NFIX: variants seen among roughly 807,000 people sequenced by gnomAD.
The protein encoded by NFIX is nuclear factor 1 X-type.
Under a neutral mutation model 53.3 loss-of-function variants are expected in NFIX, and 2 were observed. The ratio of observed to expected loss-of-function variants is 0.04; its 90% CI spans 0.02 to 0.12. NFIX has a LOEUF of 0.12. Among genes scored for constraint, NFIX ranks in the 10% least tolerant of loss-of-function variants. NFIX has a pLI of 1.00. For synonymous variants in NFIX, 244 were observed against 289.0 expected, an observed-to-expected ratio of 0.84 and a Z score of 1.58; for missense variants, 310 against 674.5, an observed-to-expected ratio of 0.46 and a Z score of 5.99.
chr19:13,031,309 G>A (rs892712299), intron 2 of NFIX, among the ~76,000 whole-genome samples: 10 of 152,178 alleles, frequency 6.6e-5, no homozygotes, highest in Admixed American at 4.6e-4. Context: ...GCAAAGCGCC[G>A]ACCGTGAACA....
chr19:13,082,057 G>C (rs1568325873), intron 8 of NFIX: 1 of 613,272 alleles, frequency 1.6e-6, no homozygotes, highest in Non-Finnish European at 2.8e-6. Context: ...GTCTATCATG[G>C]TCCGGAGAGG....
intron 6 of NFIX, 38 bp downstream of exon 6, chr19:13,075,709 G>T: frequency 6.3e-7 from 1 of 1,598,516 alleles, no homozygotes. Flanking sequence ...AGCAAGGGCA[G>T]CCCAGAGTCT....
In NFIX at chr19:13,072,340, C is replaced by T. The variant is rs1312431739; in HGVS notation, c.560-707C>T. Reference sequence around the variant, plus strand: ...ATGAGCCCTTGTCTCGGGGCTCCCTCTGAGCAGCTGTGGCACCGGGGCATG... The same window carrying T: ...ATGAGCCCTTGTCTCGGGGCTCCCTTTGAGCAGCTGTGGCACCGGGGCATG... On this transcript the variant is annotated intron_variant, in intron 2 of 10. Coordinates refer to ENST00000592199, the MANE Select transcript of NFIX (RefSeq NM_001365902.3). This position sits in a 1 kb window ranked among gnomAD's most constrained non-coding sequence, Gnocchi z 4.0. Among the ~76,000 whole-genome samples the T allele has an allele frequency of 2.0e-5, 3 of 152,254 alleles. No homozygotes were observed. Among genetic ancestry groups the T allele is most frequent in the African/African-American group, 7.2e-5 (3 of 41,472 alleles).
Position 13,081,607 on chromosome 19 carries a change from C to T in NFIX, c.1079-73C>T. 6.6e-7 allele frequency: 1 copy of T among 1,505,186 alleles called. No individual in the cohort carries two copies. 93.2% of individuals were successfully genotyped at this position (1,505,186 alleles called of 1,614,324 possible). ...CAGGACCCTCTGACCGGCAGCTCCC[C>T]TCCTCTCCTGTCCCTCCCACTGGCT... On this transcript the variant is annotated intron_variant, in intron 7 of 10. Transcript: ENST00000592199. This position sits in a 1 kb window ranked among gnomAD's most constrained non-coding sequence, Gnocchi z 4.7.
At chr19:13,016,713 A>G (rs1599724647) in intron 1 of NFIX, among the ~76,000 whole-genome samples, 1 of 138,084 alleles carries the variant, frequency 7.2e-6, no homozygotes, top group African/African-American at 2.7e-5. Context: ...GGAGGGATTT[A>G]TTTAAACAGG....
rs2018295433 is a variant in NFIX at position 13,094,020 on chromosome 19, A to ACCTG, written c.1495-615_1495-614insCCTG. Among the ~76,000 whole-genome samples the ACCTG allele has an allele frequency of 6.6e-6, 1 of 152,044 alleles. No individual in the cohort carries two copies. The highest frequency in any genetic ancestry group is 1.5e-5 in the Non-Finnish European group (1 of 68,010). On this transcript the variant is annotated intron_variant, in intron 10 of 10. Transcript: ENST00000592199. The surrounding 1 kb of genome is among the most constrained non-coding windows in gnomAD (Gnocchi z 4.3). ...CCCAGGGAGCCTCAAGTCCTTCCTC[A>ACCTG]ATGTCTGGTGCCCTGAGGGTAGAGG...
chr19:12,997,731 T>A (rs1247838853), intron 1 of NFIX, among the ~76,000 whole-genome samples: 1 of 152,190 alleles, frequency 6.6e-6, no homozygotes, highest in East Asian at 1.9e-4. Flanking sequence ...TGCTCCCCCA[T>A]GGCTTGGGTG....
At position 13,088,582 on chromosome 19, in the gene NFIX, C is replaced by T. The variant is rs1385412850; in HGVS notation, c.1402+446C>T. On this transcript the variant is annotated intron_variant, in intron 9 of 10. Coordinates refer to ENST00000592199, the MANE Select transcript of NFIX (RefSeq NM_001365902.3). The surrounding 1 kb of genome is among the most constrained non-coding windows in gnomAD (Gnocchi z 5.9). The stretch of plus-strand genomic sequence containing the variant: ...AAGAAAATCAAATGTAACCACAAGG[C>T]GACGCCACCACCATCCCCTTTTTGC... Among the ~76,000 whole-genome samples, 3 of 151,794 alleles carry T rather than the reference C, an allele frequency of 2.0e-5. No homozygotes were observed. The highest frequency in any genetic ancestry group is 4.4e-5 in the Non-Finnish European group (3 of 67,966).
rs1173718548 is a variant in NFIX at position 13,022,990 on chromosome 19, C to G, written c.28-2031C>G. Among the ~76,000 whole-genome samples, 1 of 152,040 alleles carries G rather than the reference C, an allele frequency of 6.6e-6. No homozygotes were observed. Among genetic ancestry groups the G allele is most frequent in the Non-Finnish European group, 1.5e-5 (1 of 67,990 alleles). On this transcript the variant is annotated intron_variant, in intron 1 of 10. Coordinates refer to ENST00000592199, the MANE Select transcript of NFIX (RefSeq NM_001365902.3). The surrounding 1 kb of genome is among the most constrained non-coding windows in gnomAD (Gnocchi z 4.5). The stretch of plus-strand genomic sequence containing the variant: ...GCTCTCCCCACCCTCCCTGCTCGCC[C>G]GGTTCCCTCCTCCCCTTGGACGCAG...
chr19:13,077,814 A>G (rs2017201945), intron 6 of NFIX, among the ~76,000 whole-genome samples: 1 of 152,118 alleles, frequency 6.6e-6, no homozygotes. Context: ...TTTGGATGCT[A>G]TGGCCACTGG....
At position 13,019,342 on chromosome 19, in the gene NFIX, G is replaced by A. The variant is rs1015291383; in HGVS notation, c.28-5679G>A. Among the ~76,000 whole-genome samples, 3 of 152,128 alleles carry A rather than the reference G, an allele frequency of 2.0e-5. No homozygotes were observed. The East Asian group carries it at 5.8e-4, about 29-fold the overall frequency. The stretch of plus-strand genomic sequence containing the variant: ...ATTTTTCTTCAAATAATCCATACAG[G>A]CTCAGTGGACAGGTCTGTTGTGTAG... On this transcript the variant is annotated intron_variant, in intron 1 of 10. Transcript: ENST00000592199.
intron 2 of NFIX, among the ~76,000 whole-genome samples, chr19:13,058,495 A>G (rs2015855778): frequency 6.6e-6 from 1 of 150,422 alleles, no homozygotes; most frequent in Admixed American, 6.6e-5. Flanking sequence ...CTAATAGTTA[A>G]AAAGGGGTGG....
At chr19:13,023,953 C>CA in intron 1 of NFIX, 1 of 1,152,236 alleles carries the variant, frequency 8.7e-7, no homozygotes, top group South Asian at 1.4e-5. Context: ...CCCCTCCCCC[C>CA]ACCCGCCCCC....
chr19:13,073,854 C>T lies in NFIX; in HGVS notation c.698-52C>T. ...GCTGTTCATGACAAAGAAACAGACC[C>T]CATCAGGCCTCCCCCCACCTCCAAA... On this transcript the variant is annotated intron_variant, in intron 4 of 10. Coordinates refer to ENST00000592199, the MANE Select transcript of NFIX (RefSeq NM_001365902.3). The surrounding 1 kb of genome is among the most constrained non-coding windows in gnomAD (Gnocchi z 4.5). 1 of 1,612,448 alleles carries T rather than the reference C, an allele frequency of 6.2e-7. No individual in the cohort carries two copies. The highest frequency in any genetic ancestry group is 1.7e-5 in the Admixed American group (1 of 59,930).
intron 2 of NFIX, among the ~76,000 whole-genome samples, chr19:13,041,887 CTTGTTTGT>C (rs576842548): frequency 1.4e-5 from 2 of 148,022 alleles, no homozygotes; most frequent in Non-Finnish European, 3.0e-5. Context: ...TTTTCTTTTT[CTTGTTTGT>C]TTGTTTGTTT....
At position 13,045,739 on chromosome 19, in the gene NFIX, C is replaced by T. The variant is rs537344801; in HGVS notation, c.559+20187C>T. Among the ~76,000 whole-genome samples, 13 of 152,282 alleles carry T rather than the reference C, an allele frequency of 8.5e-5. No homozygotes were observed. The South Asian group carries it at 2.1e-3, about 24-fold the overall frequency. On this transcript the variant is annotated intron_variant, in intron 2 of 10. Transcript: ENST00000592199. The surrounding 1 kb of genome is among the most constrained non-coding windows in gnomAD (Gnocchi z 4.4). ...ACCACAGGCTGTGGTTGCGCCTGTC[C>T]GTTCTCCCTCCCTTTTCTCGTAGGC... is the stretch of plus-strand genomic sequence containing the variant.
intron 6 of NFIX, among the ~76,000 whole-genome samples, 196 bp downstream of exon 6, chr19:13,075,867 G>A (rs986017457): frequency 2.6e-5 from 4 of 152,176 alleles, no homozygotes; most frequent in African/African-American, 7.2e-5. Flanking sequence ...GTGAGGAGGG[G>A]TGCTGTGAGA....
chr19:13,017,281 G>A (rs2012721656), intron 1 of NFIX, among the ~76,000 whole-genome samples: 2 of 152,204 alleles, frequency 1.3e-5, no homozygotes, highest in African/African-American at 4.8e-5. Context: ...CTAGACACCA[G>A]GGAAATGTGG....
At chr19:13,074,464 C>A (rs1171090136) in intron 5 of NFIX, among the ~76,000 whole-genome samples, 1 of 152,108 alleles carries the variant, frequency 6.6e-6, no homozygotes, top group Non-Finnish European at 1.5e-5. Context: ...AGACTTCATC[C>A]CTGGGTAGTG....
Sources: gnomAD v4.1 joint callset for allele counts (sites outside exome capture counted in the v4.1 genomes callset) on GRCh38, gnomAD v4.1.1 for gene constraint, Gnocchi (gnomAD v3.1) non-coding constraint, MANE v1.5 for transcripts, NCBI Gene and HGNC (gene_info 2026-07-23, HGNC 2026-07-21) for gene names.